The following SNRPN variants were observed in gnomAD, a reference collection of about 807,000 sequenced individuals.
The protein encoded by SNRPN is small nuclear ribonucleoprotein polypeptide N.
Under a neutral mutation model 25.2 loss-of-function variants are expected in SNRPN, and 7 were observed. The ratio of observed to expected loss-of-function variants is 0.28; its 90% CI spans 0.16 to 0.52. SNRPN has a LOEUF of 0.52. SNRPN is among the 20% of genes least tolerant of loss of function. SNRPN has a pLI of 0.96. For synonymous variants in SNRPN, 124 were observed against 110.6 expected, an observed-to-expected ratio of 1.12 and a Z score of -0.76; for missense variants, 196 against 322.5, an observed-to-expected ratio of 0.61 and a Z score of 3.00.
rs2050864758 is a variant in SNRPN, at chr15:24,834,728, C to CTCTCTCT, written c.-579+4823_-579+4824insTCTCTCT. Reference sequence around the variant, plus strand: ...GAGTGAGACCTTGTCTCTCTCTCTCCCTCTCTCTCTCTCTCTCTCTCTCTA... The same window carrying CTCTCTCT: ...GAGTGAGACCTTGTCTCTCTCTCTCCTCTCTCTCTCTCTCTCTCTCTCTCTCTCTCTA... On this transcript the variant is annotated intron_variant, in intron 2 of 12. Transcript: ENST00000400100. Among the ~76,000 whole-genome samples the CTCTCTCT allele has an allele frequency of 2.9e-3, 122 of 42,784 alleles. 8 individuals are homozygous for CTCTCTCT. The highest frequency in any genetic ancestry group is 3.4e-3 in the Non-Finnish European group (76 of 22,432). The allele number at this position is 42,784 out of a possible 152,430, so 28.1% of individuals were successfully genotyped here. A position where few individuals can be genotyped will look rare whatever the true frequency, so the allele number is the denominator to read the frequency against.
At chr15:24,951,727 C>T (rs1170496086), upstream of SNRPN, among the ~76,000 whole-genome samples, 1 of 152,084 alleles carries the variant, frequency 6.6e-6, no homozygotes, top group East Asian at 1.9e-4. Context: ...AGAATAGTCT[C>T]GAACTGCTGG....
At chr15:24,935,604 A>G (rs1340148395) in intron 3 of SNRPN, among the ~76,000 whole-genome samples, 4 of 152,210 alleles carry the variant, frequency 2.6e-5, no homozygotes, top group African/African-American at 7.2e-5. Flanking sequence ...GCCCACGCCA[A>G]GAAGTCTGGA....
In SNRPN at chr15:24,834,715, G is replaced by GTCCCTCTC. The variant is rs1555376580; in HGVS notation, c.-579+4812_-579+4813insCCTCTCTC. 1.6e-4 allele frequency among the ~76,000 whole-genome samples: 6 copies of GTCCCTCTC among 36,942 alleles called. 1 individual carries two copies. Among genetic ancestry groups the GTCCCTCTC allele is most frequent in the Non-Finnish European group, 6.9e-5 (1 of 14,498 alleles). The allele number at this position is 36,942 out of a possible 152,430, so 24.2% of individuals were successfully genotyped here. A position where few individuals can be genotyped will look rare whatever the true frequency, so the allele number is the denominator to read the frequency against. On this transcript the variant is annotated intron_variant, in intron 2 of 12. Coordinates refer to the SNRPN transcript ENST00000400100. ...CAATCTAGCTACTGAGTGAGACCTT[G>GTCCCTCTC]TCTCTCTCTCTCCCTCTCTCTCTCT...
chr15:24,835,063 T>G (rs1268376768), intron 2 of SNRPN, among the ~76,000 whole-genome samples: 1 of 54,306 alleles, frequency 1.8e-5, no homozygotes, highest in Non-Finnish European at 4.3e-5. Context: ...AAAATATAGA[T>G]ATATAGTATA....
intron 1 of SNRPN, among the ~76,000 whole-genome samples, chr15:24,879,147 C>T (rs2056328519): frequency 6.6e-6 from 1 of 152,104 alleles, no homozygotes; most frequent in South Asian, 2.1e-4. Context: ...TGAAATTATG[C>T]ATTTAGGCCG....
At chr15:24,882,665 A>C (rs1349431613) in intron 1 of SNRPN, among the ~76,000 whole-genome samples, 1 of 151,860 alleles carries the variant, frequency 6.6e-6, no homozygotes, top group African/African-American at 2.4e-5. Context: ...TCTCTACTAA[A>C]AATACAAAAA....
chr15:24,834,728 C>CCTCTCCCTCTCTCTCTCTCT (rs1555376611), intron 2 of SNRPN, among the ~76,000 whole-genome samples: 1,394 of 42,604 alleles, frequency 0.033, 91 homozygotes, highest in East Asian at 0.079. Flanking sequence ...TCTCTCTCTC[C>CCTCTCCCTCTCTCTCTCTCT]CTCTCTCTCT....
upstream of SNRPN, among the ~76,000 whole-genome samples, chr15:24,954,690 A>G (rs1426567857): frequency 1.3e-5 from 2 of 152,236 alleles, no homozygotes; most frequent in Non-Finnish European, 2.9e-5. Context: ...GTGTGCAAAA[A>G]TTTATTGTAG....
intron 2 of SNRPN, among the ~76,000 whole-genome samples, chr15:24,893,629 A>AT (rs1364062044): frequency 1.8e-4 from 28 of 151,914 alleles, no homozygotes; most frequent in South Asian, 2.1e-4. Flanking sequence ...AATATATATA[A>AT]TTTTTTTCAA....
At position 24,915,070 on chromosome 15, in the gene SNRPN, CTGATCAGATATCAAGGG is replaced by C. The variant is rs1235355455; in HGVS notation, c.-504-4924_-504-4908del. On this transcript the variant is annotated intron_variant, in intron 2 of 11. Coordinates refer to the SNRPN transcript ENST00000400097. Reference sequence around the variant, plus strand: ...ACTTGGAAGATGGTGGAAGATGAACCTGATCAGATATCAAGGGTGATCAGATATCAAGGAGAAGAGGG... The same window carrying C: ...ACTTGGAAGATGGTGGAAGATGAACCTGATCAGATATCAAGGAGAAGAGGG... 2.1e-4 allele frequency among the ~76,000 whole-genome samples: 32 copies of C among 152,032 alleles called. 1 individual carries two copies. The highest frequency in any genetic ancestry group is 7.0e-4 in the African/African-American group (29 of 41,476).
chr15:24,859,269 C>T (rs2053756767), intron 1 of SNRPN, among the ~76,000 whole-genome samples: 1 of 152,098 alleles, frequency 6.6e-6, no homozygotes, highest in Admixed American at 6.5e-5. Flanking sequence ...AGTGTTCAAT[C>T]TCCCTTAGGA....
chr15:24,823,771 AG>A (rs2049896072), exon 1 of SNRPN: 1 of 152,196 alleles, frequency 6.6e-6, no homozygotes, highest in Non-Finnish European at 1.5e-5. Context: ...TTTTTGCATA[AG>A]AAAGGCTTTT....
intron 2 of SNRPN, among the ~76,000 whole-genome samples, chr15:24,838,055 G>T (rs1302270087): frequency 7.1e-6 from 1 of 141,704 alleles, no homozygotes; most frequent in Non-Finnish European, 1.5e-5. Flanking sequence ...TTTTTTTTGA[G>T]ACGGAGTCTC....
chr15:24,962,050 G>T, intron 1 of SNRPN, 64 bp from the exon 2 acceptor site: 2 of 1,309,458 alleles, frequency 1.5e-6, no homozygotes, highest in South Asian at 2.4e-5. Context: ...ATATAACCTT[G>T]ACAAATAGTT....
chr15:24,895,002 C>T (rs2057982597), intron 2 of SNRPN, among the ~76,000 whole-genome samples: 1 of 152,104 alleles, frequency 6.6e-6, no homozygotes, highest in African/African-American at 2.4e-5. Flanking sequence ...GCAGTTAAAC[C>T]TGAGTGTTTT....
At chr15:24,880,868 G>A (rs1350918168) in intron 1 of SNRPN, among the ~76,000 whole-genome samples, 1 of 151,782 alleles carries the variant, frequency 6.6e-6, no homozygotes, top group Admixed American at 6.6e-5. Flanking sequence ...CTCACTACCG[G>A]GTCTTACTAC....
chr15:24,843,630 A>G (rs2051895605), intron 2 of SNRPN, among the ~76,000 whole-genome samples: 1 of 152,070 alleles, frequency 6.6e-6, no homozygotes, highest in African/African-American at 2.4e-5. Context: ...TAAAAATACA[A>G]AAGAAAATTC....
chr15:24,978,106 C>A, intron 8 of SNRPN, 87 bp from the exon 9 acceptor site: 1 of 1,392,164 alleles, frequency 7.2e-7, no homozygotes, highest in Non-Finnish European at 1.0e-6. Context: ...TGTTGTCTGG[C>A]CCATTTCTTT....
intron 3 of SNRPN, among the ~76,000 whole-genome samples, chr15:24,922,698 T>C (rs2060099869): frequency 6.6e-6 from 1 of 152,094 alleles, no homozygotes; most frequent in Admixed American, 6.6e-5. Context: ...ATTTTCTGTA[T>C]TTATCCATGT....
Sources: gnomAD v4.1 joint callset for allele counts (sites outside exome capture counted in the v4.1 genomes callset) on GRCh38, gnomAD v4.1.1 for gene constraint, MANE v1.5 for transcripts, NCBI Gene and HGNC (gene_info 2026-07-23, HGNC 2026-07-21) for gene names.